Variants in IGFL2 observed in about 807,000 individuals in gnomAD.
IGFL2 encodes IGF like family member 2, also known as insulin growth factor-like family member 2.
IGFL2 carries 7 observed loss-of-function variants against 13.9 expected under a neutral mutation model. The ratio of observed to expected loss-of-function variants is 0.51; its 90% CI spans 0.29 to 0.95. The LOEUF (loss-of-function observed/expected upper bound fraction) is 0.95, where lower values mean the gene tolerates loss of function less well. Among genes scored for constraint, IGFL2 ranks in the 40% least tolerant of loss-of-function variants. IGFL2 has a pLI of 0.08. For missense variants in IGFL2, 138 were observed against 147.8 expected, an observed-to-expected ratio of 0.93 and a Z score of 0.34; for synonymous variants, 55 against 55.8, an observed-to-expected ratio of 0.99 and a Z score of 0.07.
At chr19:46,206,365 C>T in the IGFL2 span, among the ~76,000 whole-genome samples, 1 of 152,228 alleles carries the variant, frequency 6.6e-6, no homozygotes, top group African/African-American at 2.4e-5. Context: ...ACTGGCTGCT[C>T]TCCAGGCCTA....
chr19:46,163,168 G>T (rs2146899036), downstream of IGFL2, among the ~76,000 whole-genome samples: 2 of 152,304 alleles, frequency 1.3e-5, no homozygotes, highest in Middle Eastern at 6.8e-3. Context: ...CACAGTTGCA[G>T]CTGTGTTTTC....
At chr19:46,151,100 A>G (rs1973460510) in intron 1 of IGFL2, among the ~76,000 whole-genome samples, 1 of 152,232 alleles carries the variant, frequency 6.6e-6, no homozygotes. Flanking sequence ...ATCCTCTGGT[A>G]ACTGCCCTTC....
chr19:46,172,232 G>C, the IGFL2 span, among the ~76,000 whole-genome samples: 1 of 152,134 alleles, frequency 6.6e-6, no homozygotes. Context: ...GATTATCAAG[G>C]GGGGAATTGG....
the IGFL2 span, among the ~76,000 whole-genome samples, chr19:46,081,120 C>T: frequency 0.013 from 2,049 of 152,270 alleles, 32 homozygotes; most frequent in Middle Eastern, 0.027. Flanking sequence ...TTTGGACTGG[C>T]TAAACCAGGC....
At chr19:46,084,256 G>A in the IGFL2 span, among the ~76,000 whole-genome samples, 1 of 152,212 alleles carries the variant, frequency 6.6e-6, no homozygotes, top group Non-Finnish European at 1.5e-5. Flanking sequence ...AGAAGAATGT[G>A]TATTCTGCAG....
the IGFL2 span, chr19:46,209,669 C>T: frequency 2.6e-5 from 4 of 152,204 alleles, no homozygotes; most frequent in African/African-American, 9.7e-5. Flanking sequence ...GTCAGCTTCC[C>T]TCAGGGGAGT....
chr19:46,144,948 A>G (rs138053655), upstream of IGFL2, among the ~76,000 whole-genome samples: 450 of 152,278 alleles, frequency 3.0e-3, 1 homozygote, highest in African/African-American at 9.7e-3. Context: ...GTCATGGTGT[A>G]TGTAAATAGT....
the IGFL2 span, among the ~76,000 whole-genome samples, chr19:46,192,565 G>T: frequency 2.0e-5 from 3 of 151,640 alleles, no homozygotes; most frequent in Admixed American, 2.0e-4. Context: ...GACTACAGGT[G>T]CCCACCACCA....
chr19:46,087,306 G>A, the IGFL2 span, among the ~76,000 whole-genome samples: 1 of 152,230 alleles, frequency 6.6e-6, no homozygotes, highest in African/African-American at 2.4e-5. Context: ...GGTGGCACCT[G>A]CAGGTGGGTG....
the IGFL2 span, among the ~76,000 whole-genome samples, chr19:46,166,685 G>T: frequency 1.3e-5 from 2 of 152,134 alleles, no homozygotes; most frequent in African/African-American, 2.4e-5. Flanking sequence ...CCCCGGAGGG[G>T]TGGCCAGTTC....
the IGFL2 span, among the ~76,000 whole-genome samples, chr19:46,185,550 A>G: frequency 6.6e-6 from 1 of 152,242 alleles, no homozygotes. Flanking sequence ...TCTAGCAGTC[A>G]CACAGCGTGG....
intron 1 of IGFL2, among the ~76,000 whole-genome samples, chr19:46,158,177 G>T: frequency 6.6e-6 from 1 of 152,188 alleles, no homozygotes; most frequent in East Asian, 1.9e-4. Flanking sequence ...AACTAGTAAA[G>T]ATGTTAGTTC....
At chr19:46,215,120 C>T in the IGFL2 span, among the ~76,000 whole-genome samples, 1 of 152,206 alleles carries the variant, frequency 6.6e-6, no homozygotes, top group African/African-American at 2.4e-5. Flanking sequence ...TCCTAGGAGT[C>T]ACTTGATTAA....
chr19:46,158,841 A>G (rs2146879021), intron 1 of IGFL2, among the ~76,000 whole-genome samples: 1 of 152,204 alleles, frequency 6.6e-6, no homozygotes. Flanking sequence ...GATTAGGAGT[A>G]AGGGCTCCCC....
At chr19:46,134,658 G>C in the IGFL2 span, among the ~76,000 whole-genome samples, 3 of 152,254 alleles carry the variant, frequency 2.0e-5, no homozygotes, top group African/African-American at 7.2e-5. Context: ...GTTCACAATA[G>C]GGTTCATGCT....
chr19:46,109,422 C>T, the IGFL2 span, among the ~76,000 whole-genome samples: 1 of 151,892 alleles, frequency 6.6e-6, no homozygotes, highest in South Asian at 2.1e-4. Context: ...TGACGCCATT[C>T]TTCTGCCTCA....
At chr19:46,165,531 G>A (rs1974359460), downstream of IGFL2, among the ~76,000 whole-genome samples, 1 of 152,056 alleles carries the variant, frequency 6.6e-6, no homozygotes, top group South Asian at 2.1e-4. Context: ...AGCACAGGGA[G>A]CACATTAACT....
chr19:46,187,929 T>A, the IGFL2 span, among the ~76,000 whole-genome samples: 329 of 53,430 alleles, frequency 6.2e-3, 12 homozygotes, highest in African/African-American at 6.9e-3. Context: ...AACCCATTTA[T>A]ACCTGAGATC....
intron 1 of IGFL2, chr19:46,159,996 A>C (rs1228365815): frequency 5.0e-6 from 1 of 200,100 alleles, no homozygotes; most frequent in African/African-American, 2.4e-5. Flanking sequence ...AAACAAAAAA[A>C]GACCTACTCA....
Sources: allele counts gnomAD v4.1 joint callset (sites outside exome capture counted in the v4.1 genomes callset), GRCh38; gene constraint gnomAD v4.1.1; transcripts MANE v1.5; gene names NCBI Gene and HGNC (gene_info 2026-07-23, HGNC 2026-07-21).